The following PLCXD3 variants were observed in gnomAD, a reference collection of about 807,000 sequenced individuals.
PLCXD3 encodes phosphatidylinositol specific phospholipase C X domain containing 3.
Under a neutral mutation model 25.5 loss-of-function variants are expected in PLCXD3, and 19 were observed. The ratio of observed to expected loss-of-function variants is 0.75; its 90% CI spans 0.52 to 1.09. The LOEUF (loss-of-function observed/expected upper bound fraction) is 1.09. PLCXD3 is among the 50% of genes least tolerant of loss of function. The pLI, the probability that PLCXD3 is intolerant of heterozygous loss-of-function variation, is 0.00. For synonymous variants in PLCXD3, 174 were observed against 137.6 expected (o/e 1.26, Z -1.85); for missense variants, 411 against 388.1 (o/e 1.06, Z -0.50).
chr5:41,404,861 T>C (rs1746305760), intron 1 of PLCXD3, among the ~76,000 whole-genome samples: 1 of 152,148 alleles, frequency 6.6e-6, no homozygotes, highest in African/African-American at 2.4e-5. Flanking sequence ...CCCAGTGTGC[T>C]GAGGTTTGAC....
intron 1 of PLCXD3, among the ~76,000 whole-genome samples, chr5:41,426,475 C>G (rs1190733773): frequency 1.3e-5 from 2 of 151,868 alleles, no homozygotes; most frequent in Admixed American, 6.6e-5. Flanking sequence ...CTTCTAGTGG[C>G]TTGGGAAGGT....
At chr5:41,346,977 T>C (rs1283422922) in intron 2 of PLCXD3, among the ~76,000 whole-genome samples, 1 of 152,230 alleles carries the variant, frequency 6.6e-6, no homozygotes, top group Admixed American at 6.5e-5. Flanking sequence ...CACGTGCAGG[T>C]TTTTGTATGG....
At chr5:41,480,209 G>C (rs1162585158) in intron 1 of PLCXD3, among the ~76,000 whole-genome samples, 2 of 152,026 alleles carry the variant, frequency 1.3e-5, no homozygotes, top group East Asian at 3.9e-4. Context: ...ACTGAGAAAG[G>C]TTCTAAACTC....
intron 2 of PLCXD3, 53 bp downstream of exon 2, chr5:41,381,773 A>G (rs1745467409): frequency 1.3e-6 from 2 of 1,489,696 alleles, no homozygotes; most frequent in Non-Finnish European, 1.8e-6. Context: ...TGAGCTCTAT[A>G]AATTCAAGTT....
chr5:41,429,306 G>T (rs765511817), intron 1 of PLCXD3, among the ~76,000 whole-genome samples: 6 of 151,924 alleles, frequency 3.9e-5, no homozygotes, highest in Non-Finnish European at 8.8e-5. Flanking sequence ...CAACAGAATA[G>T]GACAAAGACA....
chr5:41,497,448 G>C (rs984769580), intron 1 of PLCXD3, among the ~76,000 whole-genome samples: 25 of 151,814 alleles, frequency 1.6e-4, no homozygotes, highest in African/African-American at 5.6e-4. Context: ...GGCATTATAT[G>C]ATGATATAAT....
intron 1 of PLCXD3, among the ~76,000 whole-genome samples, chr5:41,422,000 TATA>T (rs1265197127): frequency 2.6e-5 from 4 of 151,968 alleles, no homozygotes; most frequent in Non-Finnish European, 2.9e-5. Context: ...TATATATATA[TATA>T]TTGCTAATGC....
At chr5:41,411,840 A>G (rs1259849380) in intron 1 of PLCXD3, among the ~76,000 whole-genome samples, 2 of 147,250 alleles carry the variant, frequency 1.4e-5, no homozygotes, top group African/African-American at 2.5e-5. Context: ...ATCCATATAT[A>G]TATCTCCATA....
chr5:41,463,196 C>T (rs1028075660), intron 1 of PLCXD3, among the ~76,000 whole-genome samples: 1 of 151,984 alleles, frequency 6.6e-6, no homozygotes, highest in African/African-American at 2.4e-5. Context: ...TCAGTTCTGG[C>T]TACTATAACA....
intron 2 of PLCXD3, among the ~76,000 whole-genome samples, chr5:41,329,118 G>A (rs141416749): frequency 6.6e-6 from 1 of 152,084 alleles, no homozygotes; most frequent in Non-Finnish European, 1.5e-5. Flanking sequence ...CTGGTTTGTT[G>A]TTGTTGTTGT....
intron 1 of PLCXD3, among the ~76,000 whole-genome samples, chr5:41,457,257 T>C (rs1747774149): frequency 6.6e-6 from 1 of 151,952 alleles, no homozygotes; most frequent in African/African-American, 2.4e-5. Context: ...CATGAACATG[T>C]ATCTGAGAAC....
At chr5:41,408,059 G>A (rs977686370) in intron 1 of PLCXD3, among the ~76,000 whole-genome samples, 6 of 152,104 alleles carry the variant, frequency 3.9e-5, no homozygotes, top group African/African-American at 1.2e-4. Context: ...CAGTAGATGA[G>A]CTGACAACGA....
intron 1 of PLCXD3, among the ~76,000 whole-genome samples, chr5:41,457,840 C>T (rs956801065): frequency 1.3e-5 from 2 of 151,868 alleles, no homozygotes; most frequent in Non-Finnish European, 2.9e-5. Context: ...CTTCCCTATC[C>T]TCTGTACACC....
At chr5:41,458,385 T>C (rs567470712) in intron 1 of PLCXD3, among the ~76,000 whole-genome samples, 1 of 152,046 alleles carries the variant, frequency 6.6e-6, no homozygotes, top group South Asian at 2.1e-4. Flanking sequence ...GAAAATGTAA[T>C]TCTGAGAGAT....
chr5:41,504,692 C>G (rs1330963518), intron 1 of PLCXD3, among the ~76,000 whole-genome samples: 1 of 152,280 alleles, frequency 6.6e-6, no homozygotes, highest in Non-Finnish European at 1.5e-5. Flanking sequence ...CACAGTTTCT[C>G]TATATGTCAA....
intron 1 of PLCXD3, among the ~76,000 whole-genome samples, chr5:41,482,650 A>T (rs887660364): frequency 1.6e-4 from 25 of 152,212 alleles, no homozygotes; most frequent in African/African-American, 5.1e-4. Context: ...GTTAAAGAGG[A>T]TGCCCTTTCT....
At chr5:41,359,097 T>C (rs947533147) in intron 2 of PLCXD3, among the ~76,000 whole-genome samples, 4 of 152,244 alleles carry the variant, frequency 2.6e-5, no homozygotes, top group African/African-American at 7.2e-5. Flanking sequence ...ATCTTTTTGA[T>C]ATGCTGTTGG....
At chr5:41,395,842 C>T (rs901143893) in intron 1 of PLCXD3, among the ~76,000 whole-genome samples, 6 of 151,970 alleles carry the variant, frequency 3.9e-5, no homozygotes, top group East Asian at 1.9e-4. Context: ...AAGCTTGGGA[C>T]CTGATGGTTT....
intron 2 of PLCXD3, among the ~76,000 whole-genome samples, chr5:41,336,123 A>G (rs1743972448): frequency 6.6e-6 from 1 of 152,166 alleles, no homozygotes; most frequent in Non-Finnish European, 1.5e-5. Flanking sequence ...GGCCTTTGGA[A>G]GGTTATTTAA....
Sources: gnomAD v4.1 joint callset for allele counts (sites outside exome capture counted in the v4.1 genomes callset) on GRCh38, gnomAD v4.1.1 for gene constraint, MANE v1.5 for transcripts, NCBI Gene and HGNC (gene_info 2026-07-23, HGNC 2026-07-21) for gene names.